CELSR1: variants seen among roughly 807,000 people sequenced by gnomAD.
CELSR1 encodes the protein adhesion G protein-coupled receptor C1.
Under a neutral mutation model 249.1 loss-of-function variants are expected in CELSR1, and 110 were observed. The ratio of observed to expected loss-of-function variants is 0.44; its 90% CI spans 0.38 to 0.52. CELSR1 has a LOEUF of 0.52. Among genes scored for constraint, CELSR1 ranks in the 20% least tolerant of loss-of-function variants. The pLI, the probability that CELSR1 is intolerant of heterozygous loss-of-function variation, is 0.00. For missense variants in CELSR1, 4,109 were observed against 4,296.4 expected, an observed-to-expected ratio of 0.96 and a Z score of 1.22; for synonymous variants, 2,113 against 1,900.0, an observed-to-expected ratio of 1.11 and a Z score of -2.92.
Position 46,464,427 on chromosome 22 carries a change from A to C in CELSR1, c.3545-82T>G. 2 of 1,462,022 alleles carry C rather than the reference A, an allele frequency of 1.4e-6. No individual in the cohort carries two copies. Among genetic ancestry groups the C allele is most frequent in the Non-Finnish European group, 1.8e-6 (2 of 1,083,090 alleles). 90.6% of individuals were successfully genotyped at this position (1,462,022 alleles called of 1,614,324 possible). On this transcript the variant is annotated intron_variant, in intron 1 of 34. Coordinates refer to ENST00000674500, the MANE Select transcript of CELSR1 (RefSeq NM_001378328.1). The surrounding 1 kb of genome is among the most constrained non-coding windows in gnomAD (Gnocchi z 8.5). Reference sequence around the variant, plus strand: ...TAGGCCCCATCCCAGGAGCAGCCTCAGGCATGCTTGGCAAAGGAGAAGAGA... The same window carrying C: ...TAGGCCCCATCCCAGGAGCAGCCTCCGGCATGCTTGGCAAAGGAGAAGAGA...
chr22:46,439,531 C>G, intron 2 of CELSR1, 120 bp from the exon 3 acceptor site: 1 of 764,482 alleles, frequency 1.3e-6, no homozygotes, highest in Non-Finnish European at 2.1e-6. Context: ...AAAGAAAACC[C>G]GACTGACTCC....
chr22:46,396,616 G>A lies in CELSR1; in HGVS notation c.5832C>T (p.Tyr1944=). The A allele has an allele frequency of 6.3e-7, 1 of 1,592,920 alleles. No individual in the cohort carries two copies. The highest frequency in any genetic ancestry group is 1.1e-5 in the South Asian group (1 of 87,168). Residue 1944 remains tyrosine (Y), a synonymous_variant, in exon 13 of 35, where the codon TAC becomes TAT. Coordinates refer to ENST00000674500, the MANE Select transcript of CELSR1 (RefSeq NM_001378328.1). The surrounding 1 kb of genome is among the most constrained non-coding windows in gnomAD (Gnocchi z 6.4). ...GGGGCTGCTCTTACTTGTTCTCACA[G>A]TACGGCCCGTAGTGACTGGGCCCAC... ...CECGPSHYGP[Y]CENKLDLPCP... is the part of the protein sequence containing the mutation.
Position 46,436,880 on chromosome 22 carries a change from C to G in CELSR1, c.4407-591G>C, listed in dbSNP as rs1053922381. 6.6e-6 allele frequency among the ~76,000 whole-genome samples: 1 copy of G among 152,116 alleles called. No individual in the cohort carries two copies. Among genetic ancestry groups the G allele is most frequent in the Non-Finnish European group, 1.5e-5 (1 of 68,020 alleles). On this transcript the variant is annotated intron_variant, in intron 3 of 34. Transcript: ENST00000674500. This position sits in a 1 kb window ranked among gnomAD's most constrained non-coding sequence, Gnocchi z 5.9. ...CAGGGGTCAACCCAGCTGTACTTGC[C>G]CTGACTCATTGTACTCTACCTTGCC...
At chr22:46,522,682 C>A (rs149215557) in intron 1 of CELSR1, among the ~76,000 whole-genome samples, 1 of 152,300 alleles carries the variant, frequency 6.6e-6, no homozygotes, top group African/African-American at 2.4e-5. Context: ...AGGAGGTTTC[C>A]CCAATCACAG....
chr22:46,372,491 A>C (rs888514342), intron 25 of CELSR1, among the ~76,000 whole-genome samples: 3 of 41,098 alleles, frequency 7.3e-5, no homozygotes, highest in South Asian at 9.9e-4. Flanking sequence ...CTTACCCCCC[A>C]TCCATCCATC....
At chr22:46,496,863 A>T (rs577383597) in intron 1 of CELSR1, among the ~76,000 whole-genome samples, 58 of 151,782 alleles carry the variant, frequency 3.8e-4, no homozygotes, top group African/African-American at 1.2e-3. Flanking sequence ...TTTTTTTTTT[A>T]AATGTAAGTA....
intron 5 of CELSR1, among the ~76,000 whole-genome samples, chr22:46,431,222 G>A (rs977176279): frequency 1.3e-5 from 2 of 152,210 alleles, no homozygotes; most frequent in East Asian, 3.9e-4. Flanking sequence ...CTGAGCTCCC[G>A]GAAAGGGGCG....
In CELSR1 at chr22:46,364,665, G is replaced by A. The variant is rs748525904; in HGVS notation, c.8626C>T (p.Pro2876Ser). ...ACCTTCAGGCGGGGCTTGCCGCTGGGGTCCTCACTGTCACTCTCAGCCAGG... is the reference window on the plus strand; with the variant it reads ...ACCTTCAGGCGGGGCTTGCCGCTGGAGTCCTCACTGTCACTCTCAGCCAGG... Reference protein sequence around the residue: ...QSLAESDSEDPSGKPRLKVET... With the variant: ...QSLAESDSEDSSGKPRLKVET... Residue 2876 changes from proline to serine, a missense_variant, in exon 33 of 35, where the codon CCC (proline) becomes TCC (serine). Transcript: ENST00000674500. 3 of 1,612,556 alleles carry A rather than the reference G, an allele frequency of 1.9e-6. No individual in the cohort carries two copies. The highest frequency in any genetic ancestry group is 4.5e-5 in the East Asian group (2 of 44,886).
rs556550690 is a variant in CELSR1, at chr22:46,428,816, C to A, written c.4611+4577G>T. ...GCACAGCTCACTCACGGGTCCCCAG[C>A]GGGCCACACTGCCTGGTGTCCATGT... On this transcript the variant is annotated intron_variant, in intron 5 of 34. Coordinates refer to ENST00000674500, the MANE Select transcript of CELSR1 (RefSeq NM_001378328.1). This position sits in a 1 kb window ranked among gnomAD's most constrained non-coding sequence, Gnocchi z 5.7. Among the ~76,000 whole-genome samples the A allele has an allele frequency of 4.6e-5, 7 of 152,200 alleles. No homozygotes were observed. Among genetic ancestry groups the A allele is most frequent in the Admixed American group, 1.3e-4 (2 of 15,284 alleles).
At position 46,516,307 on chromosome 22, in the gene CELSR1, A is replaced by G. The variant is rs569520945; in HGVS notation, c.3544+17320T>C. 1.5e-3 allele frequency among the ~76,000 whole-genome samples: 223 copies of G among 152,220 alleles called. 1 individual carries two copies. The highest frequency in any genetic ancestry group is 5.1e-3 in the African/African-American group (210 of 41,528). On this transcript the variant is annotated intron_variant, in intron 1 of 34. Coordinates refer to ENST00000674500, the MANE Select transcript of CELSR1 (RefSeq NM_001378328.1). Reference sequence around the variant, plus strand: ...AAATGATGAGTTCATGTCCTTTGTAAGGACATGGATGAAGCTGGAAACCAT... The same window carrying G: ...AAATGATGAGTTCATGTCCTTTGTAGGGACATGGATGAAGCTGGAAACCAT...
At position 46,410,579 on chromosome 22, in the gene CELSR1, T is replaced by C. The variant is rs556807446; in HGVS notation, c.4770-18A>G. ...CCAGGGACCTGGGTAGGTAAAGCCA[T>C]CTTCTGTGACGTCAGGGCGGGGAGA... On this transcript the variant is annotated intron_variant, in intron 6 of 34. Coordinates refer to ENST00000674500, the MANE Select transcript of CELSR1 (RefSeq NM_001378328.1). The surrounding 1 kb of genome is among the most constrained non-coding windows in gnomAD (Gnocchi z 6.8). 1.2e-6 allele frequency: 2 copies of C among 1,608,808 alleles called. No individual in the cohort carries two copies. Among genetic ancestry groups the C allele is most frequent in the South Asian group, 2.2e-5 (2 of 91,030 alleles).
rs562430150 is a variant in CELSR1, at chr22:46,385,975, C to CTTTTTTTT, written c.6739+419_6739+426dup. Among the ~76,000 whole-genome samples the CTTTTTTTT allele has an allele frequency of 5.0e-3, 691 of 137,632 alleles. 20 individuals carry two copies. The highest frequency in any genetic ancestry group is 7.1e-3 in the African/African-American group (244 of 34,242). 90.3% of individuals were successfully genotyped at this position (137,632 alleles called of 152,430 possible). ...TACAGGCGTGAGCCACCGCGCCCGG[C>CTTTTTTTT]TTTTTTTTTTTTGAGATGGAGTCTC... On this transcript the variant is annotated intron_variant, in intron 19 of 34. Transcript: ENST00000674500.
At position 46,408,622 on chromosome 22, in the gene CELSR1, A is replaced by T. The variant is rs111288272; in HGVS notation, c.5226+374T>A. Among the ~76,000 whole-genome samples, 3 of 152,142 alleles carry T rather than the reference A, an allele frequency of 2.0e-5. No homozygotes were observed. Among genetic ancestry groups the T allele is most frequent in the Admixed American group, 1.3e-4 (2 of 15,282 alleles). The stretch of plus-strand genomic sequence containing the variant: ...AGTGTTGGGATTACAGGCATGAGCC[A>T]CCACCCCGGCCTGCACCTGGCTGCA... On this transcript the variant is annotated intron_variant, in intron 9 of 34. Coordinates refer to ENST00000674500, the MANE Select transcript of CELSR1 (RefSeq NM_001378328.1). This position sits in a 1 kb window ranked among gnomAD's most constrained non-coding sequence, Gnocchi z 4.6.
At chr22:46,498,383 A>C (rs1326886876) in intron 1 of CELSR1, among the ~76,000 whole-genome samples, 4 of 145,568 alleles carry the variant, frequency 2.7e-5, no homozygotes, top group Admixed American at 6.8e-5. Flanking sequence ...GCCAAGGCGG[A>C]TGGATCGCCT....
intron 33 of CELSR1, 73 bp downstream of exon 33, chr22:46,364,439 C>T: frequency 6.5e-7 from 1 of 1,535,070 alleles, no homozygotes. Flanking sequence ...CAGCCCCACT[C>T]CCACCTCCAG....
intron 1 of CELSR1, among the ~76,000 whole-genome samples, chr22:46,478,456 A>G (rs970331491): frequency 6.6e-6 from 1 of 152,132 alleles, no homozygotes; most frequent in Non-Finnish European, 1.5e-5. Context: ...GGCCCTGAGC[A>G]CCTGCCAAGG....
rs777808982 is a variant in CELSR1, at chr22:46,535,251, T to C, written c.1920A>G (p.Thr640=). The change falls in exon 1 of 35, where the codon ACA becomes ACG. Residue 640 remains threonine, a synonymous_variant. Coordinates refer to ENST00000674500, the MANE Select transcript of CELSR1 (RefSeq NM_001378328.1). ...FQIHNSSGWI[T]VCAELDREEV... ...CCTCGCGGTCCAGCTCGGCACACACTGTGATCCAACCGGAGCTGTTGTGGA... is the reference window on the plus strand; with the variant it reads ...CCTCGCGGTCCAGCTCGGCACACACCGTGATCCAACCGGAGCTGTTGTGGA... 3 of 1,609,830 alleles carry C rather than the reference T, an allele frequency of 1.9e-6. No individual in the cohort carries two copies. The highest frequency in any genetic ancestry group is 2.7e-5 in the African/African-American group (2 of 74,878).
Position 46,390,998 on chromosome 22 carries a change from G to A in CELSR1, c.6250+188C>T, listed in dbSNP as rs113991012. On this transcript the variant is annotated intron_variant, in intron 16 of 34. Coordinates refer to ENST00000674500, the MANE Select transcript of CELSR1 (RefSeq NM_001378328.1). The surrounding 1 kb of genome is among the most constrained non-coding windows in gnomAD (Gnocchi z 6.3). ...TCCCCACACGCGCTGCACTGTTCAT[G>A]TTTCTGTTGCGCCCTCTGCCTGCTT... is the stretch of plus-strand genomic sequence containing the variant. Among the ~76,000 whole-genome samples, 333 of 152,378 alleles carry A rather than the reference G, an allele frequency of 2.2e-3. No homozygotes were observed. The highest frequency in any genetic ancestry group is 7.6e-3 in the African/African-American group (316 of 41,592).
rs1264380913 is a variant in CELSR1 at position 46,374,865 on chromosome 22, G to A, written c.7585-1808C>T. On this transcript the variant is annotated intron_variant, in intron 24 of 34. Coordinates refer to ENST00000674500, the MANE Select transcript of CELSR1 (RefSeq NM_001378328.1). The surrounding 1 kb of genome is among the most constrained non-coding windows in gnomAD (Gnocchi z 4.3). ...CGCAGGAGCAGCGACCCTGCCATATGGGCCCCGCACACGGAGCCCCCGCCA... is the reference window on the plus strand; with the variant it reads ...CGCAGGAGCAGCGACCCTGCCATATAGGCCCCGCACACGGAGCCCCCGCCA... Among the ~76,000 whole-genome samples, 2 of 152,154 alleles carry A rather than the reference G, an allele frequency of 1.3e-5. No individual in the cohort carries two copies. Among genetic ancestry groups the A allele is most frequent in the Non-Finnish European group, 2.9e-5 (2 of 68,022 alleles).
Sources: gnomAD v4.1 joint callset for allele counts (sites outside exome capture counted in the v4.1 genomes callset) on GRCh38, gnomAD v4.1.1 for gene constraint, Gnocchi (gnomAD v3.1) non-coding constraint, MANE v1.5 for transcripts, NCBI Gene and HGNC (gene_info 2026-07-23, HGNC 2026-07-21) for gene names.